The following AXIN2 variants were observed in gnomAD, a reference collection of about 807,000 sequenced individuals.
The protein encoded by AXIN2 is axin-2.
In AXIN2, 21 loss-of-function variants were observed where a neutral mutation model predicts 74.7. The ratio of observed to expected loss-of-function variants is 0.28; its 90% CI spans 0.20 to 0.40. AXIN2 has a LOEUF of 0.40. Among genes scored for constraint, AXIN2 ranks in the 10% least tolerant of loss-of-function variants. The pLI is 1.00. For missense variants in AXIN2, 1,144 were observed against 1,111.1 expected (o/e 1.03, Z -0.42); for synonymous variants, 532 against 454.9 (o/e 1.17, Z -2.16).
chr17:65,537,648 C>A lies in AXIN2; in HGVS notation c.1388G>T (p.Arg463Leu), dbSNP rs1060502150. 1 of 1,575,604 alleles carries A rather than the reference C, an allele frequency of 6.3e-7. No homozygotes were observed. Among genetic ancestry groups the A allele is most frequent in the Non-Finnish European group, 8.6e-7 (1 of 1,163,000 alleles). The change falls in exon 6 of 11, where the codon CGC (arginine) becomes CTC (leucine). Residue 463 changes from arginine (R) to leucine (L), a missense_variant. By Grantham distance (102) the Arg-to-Leu change is moderately radical. Transcript: ENST00000307078. The stretch of plus-strand genomic sequence containing the variant: ...GTGGTGGTGGTCCGGGGAGCGGGAG[C>A]GGGGGCTATAGCGGCCTACGCCTGG... Reference protein sequence around the residue: ...QSPGVGRYSPRSRSPDHHHHH... With the variant: ...QSPGVGRYSPLSRSPDHHHHH...
intron 10 of AXIN2, among the ~76,000 whole-genome samples, chr17:65,531,623 C>T (rs572721044): frequency 2.0e-5 from 3 of 152,222 alleles, no homozygotes; most frequent in South Asian, 2.1e-4. Flanking sequence ...TGAGCAAACA[C>T]GCAGCGACCT....
intron 1 of AXIN2, among the ~76,000 whole-genome samples, chr17:65,559,246 TC>T (rs1427206003): frequency 6.6e-6 from 1 of 151,896 alleles, no homozygotes; most frequent in Non-Finnish European, 1.5e-5. Context: ...AACGTGCCCT[TC>T]CCCGGCATCT....
At chr17:65,540,140 A>C (rs1210808826) in intron 4 of AXIN2, among the ~76,000 whole-genome samples, 1 of 152,260 alleles carries the variant, frequency 6.6e-6, no homozygotes, top group Non-Finnish European at 1.5e-5. Context: ...AGGAGGAGAA[A>C]TGGTCAATGA....
rs749846538 is a variant in AXIN2, at chr17:65,537,814, C to T, written c.1222G>A (p.Glu408Lys). 1.5e-5 allele frequency: 24 copies of T among 1,572,552 alleles called. No homozygotes were observed. The Admixed American group carries it at 2.6e-4, about 17-fold the overall frequency. The stretch of plus-strand genomic sequence containing the variant: ...CCCTCCCGCGAATTGAGTGTGAGCT[C>T]GGAGCCCTCTCTCTCTTCATCCTGA... Reference protein sequence around the residue: ...IREDEEREGSELTLNSREGAP... With the variant: ...IREDEEREGSKLTLNSREGAP... Residue 408 changes from glutamate (E) to lysine (K), a missense_variant, in exon 6 of 11, where the codon GAG becomes AAG. This residue lies in a region of AXIN2 where 1,053 missense variants were observed against 973.5 expected (regional missense o/e 1.08). Transcript: ENST00000307078.
chr17:65,534,206 C>T, intron 9 of AXIN2, 127 bp from the exon 10 acceptor site: 1 of 1,216,588 alleles, frequency 8.2e-7, no homozygotes, highest in South Asian at 1.2e-5. Context: ...AATTGTAAAC[C>T]CAAAGTGGGG....
chr17:65,535,083 G>A (rs1169304315), intron 9 of AXIN2, among the ~76,000 whole-genome samples: 1 of 152,206 alleles, frequency 6.6e-6, no homozygotes, highest in Non-Finnish European at 1.5e-5. Flanking sequence ...AAGAAAACTT[G>A]ATACAGACCA....
At position 65,558,501 on chromosome 17, in the gene AXIN2, C is replaced by A. The variant is rs2144590786; in HGVS notation, c.120G>T (p.Val40=). 1 of 1,612,544 alleles carries A rather than the reference C, an allele frequency of 6.2e-7. No individual in the cohort carries two copies. Among genetic ancestry groups the A allele is most frequent in the Non-Finnish European group, 8.5e-7 (1 of 1,178,946 alleles). ...TGGGTTTGGTGACCTGGCCCTTGCC[C>A]ACCCCTGGCTGACACGGTGGGGTCT... is the stretch of plus-strand genomic sequence containing the variant. The part of the protein sequence containing the change: ...EGETPPCQPG[V]GKGQVTKPMP... Residue 40 remains valine (V), a synonymous_variant, in exon 2 of 11, where the codon GTG becomes GTT. Transcript: ENST00000307078.
chr17:65,559,009 C>T (rs2044320968), intron 1 of AXIN2, among the ~76,000 whole-genome samples: 1 of 152,032 alleles, frequency 6.6e-6, no homozygotes. Flanking sequence ...AAGGCAAGAG[C>T]TGGGGACGGC....
At position 65,538,246 on chromosome 17, in the gene AXIN2, T is replaced by G; in HGVS notation, c.1157A>C (p.Glu386Ala). The change falls in exon 5 of 11, where the codon GAG becomes GCG. Residue 386 changes from glutamate to alanine, a missense_variant. By Grantham distance (107) the Glu-to-Ala change is moderately radical. Around this residue, in one of 4 missense-constraint regions of AXIN2, gnomAD observed 1,053 missense variants for 973.5 expected, o/e 1.08. Transcript: ENST00000307078. The part of the protein sequence containing the change: ...SRLEKLKLEL[E>A]SRHSLEERLQ... ...GCGCTCCTCCAGGCTGTGGCGGCTC[T>G]CCAACTCCAGCTTCAGCTTTTCCAG... 1 of 1,614,194 alleles carries G rather than the reference T, an allele frequency of 6.2e-7. No individual in the cohort carries two copies. The highest frequency in any genetic ancestry group is 8.5e-7 in the Non-Finnish European group (1 of 1,180,032).
intron 1 of AXIN2, chr17:65,560,911 G>T (rs1171488171): frequency 1.3e-5 from 2 of 148,174 alleles, no homozygotes; most frequent in African/African-American, 2.4e-5. Flanking sequence ...GGCTCGCGGC[G>T]GCAGCCCCGG....
Position 65,535,650 on chromosome 17 carries a change from G to C in AXIN2, c.2213C>G (p.Ser738Cys), listed in dbSNP as rs139209450. ...CTCTTCTGGAGCCAGGCTTGGATTG[G>C]AGAAGGGTGTGGCTCCCGTCTGAAC... ...ATVQTGATPF[S>C]NPSLAPEDHK... The change falls in exon 9 of 11, where the codon TCC becomes TGC. Residue 738 changes from serine (S) to cysteine (C), a missense_variant. Ser to Cys is a moderately radical substitution (Grantham distance 112, BLOSUM62 -1). This residue lies in a region of AXIN2 where 1,053 missense variants were observed against 973.5 expected (regional missense o/e 1.08). Coordinates refer to ENST00000307078, the MANE Select transcript of AXIN2 (RefSeq NM_004655.4). 6.2e-7 allele frequency: 1 copy of C among 1,614,214 alleles called. No individual in the cohort carries two copies. The highest frequency in any genetic ancestry group is 2.2e-5 in the East Asian group (1 of 44,888).
At chr17:65,538,752 A>G (rs181593770) in intron 4 of AXIN2, among the ~76,000 whole-genome samples, 45 of 151,262 alleles carry the variant, frequency 3.0e-4, no homozygotes, top group Non-Finnish European at 6.0e-4. Flanking sequence ...CAAGGAATAG[A>G]AAGTAGAATC....
intron 3 of AXIN2, among the ~76,000 whole-genome samples, 192 bp from the exon 4 acceptor site, chr17:65,541,749 C>T (rs536189191): frequency 9.8e-5 from 15 of 152,340 alleles, no homozygotes; most frequent in African/African-American, 3.4e-4. Flanking sequence ...TTAAATCCTG[C>T]CCATCAATCA....
Position 65,529,344 on chromosome 17 carries a change from GA to G in AXIN2, c.*631del, listed in dbSNP as rs796431470. 365 of 207,982 alleles carry G rather than the reference GA, an allele frequency of 1.8e-3. No homozygotes were observed. Among genetic ancestry groups the G allele is most frequent in the Middle Eastern group, 3.2e-3 (2 of 620 alleles). The allele number at this position is 207,982 out of a possible 1,614,324, so 12.9% of individuals were successfully genotyped here. On this transcript the variant is annotated 3_prime_UTR_variant, in exon 11 of 11. Transcript: ENST00000307078. ...TTTAAGACAAAACAGAGCAGCATAG[GA>G]AAAAAAAAAACAAAACGCACCAATT...
rs878854729 is a variant in AXIN2, at chr17:65,558,370, G to A, written c.251C>T (p.Ser84Phe). 1 of 1,612,852 alleles carries A rather than the reference G, an allele frequency of 6.2e-7. No individual in the cohort carries two copies. Among genetic ancestry groups the A allele is most frequent in the South Asian group, 1.1e-5 (1 of 91,032 alleles). ...PLTRWTKSLH[S>F]LLGDQDGAYL... ...AGCACCGTCTTGATCGCCCAATAAG[G>A]AGTGTAAGGACTTGGTCCACCGGGT... The change falls in exon 2 of 11, where the codon TCC (serine) becomes TTC (phenylalanine). Residue 84 changes from serine (S) to phenylalanine (F), a missense_variant. Ser to Phe is a radical substitution (Grantham distance 155). Coordinates refer to ENST00000307078, the MANE Select transcript of AXIN2 (RefSeq NM_004655.4).
At chr17:65,530,291 C>T (rs557874302) in intron 10 of AXIN2, among the ~76,000 whole-genome samples, 189 bp from the exon 11 acceptor site, 2 of 152,270 alleles carry the variant, frequency 1.3e-5, no homozygotes, top group African/African-American at 2.4e-5. Context: ...GCAGGTGGGC[C>T]GAGATGATGA....
At chr17:65,534,876 G>T (rs989236366) in intron 9 of AXIN2, among the ~76,000 whole-genome samples, 1 of 152,162 alleles carries the variant, frequency 6.6e-6, no homozygotes, top group Middle Eastern at 3.2e-3. Flanking sequence ...GCTGCAGTGG[G>T]CCAAGATTAA....
rs547264008 is a variant in AXIN2 at position 65,528,963 on chromosome 17, C to T, written c.*1013G>A. 2 of 278,558 alleles carry T rather than the reference C, an allele frequency of 7.2e-6. No homozygotes were observed. The highest frequency in any genetic ancestry group is 5.8e-5 in the East Asian group (1 of 17,224). 17.3% of individuals were successfully genotyped at this position (278,558 alleles called of 1,614,324 possible). A position where few individuals can be genotyped will look rare whatever the true frequency, so the allele number is the denominator to read the frequency against. Reference sequence around the variant, plus strand: ...GATTAACTTAACACAAAAACCCGAACATCAAAATGAAGGTGTGTGGAGGAA... The same window carrying T: ...GATTAACTTAACACAAAAACCCGAATATCAAAATGAAGGTGTGTGGAGGAA... On this transcript the variant is annotated 3_prime_UTR_variant, in exon 11 of 11. Coordinates refer to ENST00000307078, the MANE Select transcript of AXIN2 (RefSeq NM_004655.4).
At chr17:65,557,217 A>G (rs1567767976) in intron 2 of AXIN2, among the ~76,000 whole-genome samples, 1 of 152,194 alleles carries the variant, frequency 6.6e-6, no homozygotes, top group East Asian at 1.9e-4. Flanking sequence ...GGAAAGTCAC[A>G]GGACCTTCCC....
Sources: allele counts gnomAD v4.1 joint callset (sites outside exome capture counted in the v4.1 genomes callset), GRCh38; gene constraint gnomAD v4.1.1; regional missense constraint gnomAD v4.1.1; transcripts MANE v1.5; gene names NCBI Gene and HGNC (gene_info 2026-07-23, HGNC 2026-07-21).